Variants in PEX14 observed in about 807,000 individuals in gnomAD.
PEX14 encodes the protein peroxisomal membrane protein PEX14.
In PEX14, 15 loss-of-function variants were observed where a neutral mutation model predicts 49.5. The ratio of observed to expected loss-of-function variants is 0.30; its 90% CI spans 0.20 to 0.47. The LOEUF (loss-of-function observed/expected upper bound fraction) is 0.47. PEX14 is among the 20% of genes least tolerant of loss of function. The probability of loss-of-function intolerance (pLI) is 1.00; values close to 1 mark genes in which losing one functional copy is unlikely to be tolerated. For missense variants in PEX14, 398 were observed against 494.8 expected (o/e 0.80, Z 1.86); for synonymous variants, 210 against 212.7 (o/e 0.99, Z 0.11).
intron 1 of PEX14, among the ~76,000 whole-genome samples, chr1:10,492,707 T>G (rs1641492337): frequency 6.6e-6 from 1 of 152,258 alleles, no homozygotes; most frequent in South Asian, 2.1e-4. Context: ...GCCATTGTTC[T>G]GTTTTTTTGT....
chr1:10,500,667 C>T (rs1039942810), intron 2 of PEX14, among the ~76,000 whole-genome samples: 6 of 152,102 alleles, frequency 3.9e-5, no homozygotes, highest in Middle Eastern at 3.2e-3. Context: ...CTCTGTCTCC[C>T]GGGTTCAAGT....
chr1:10,506,389 C>T (rs1570170103), intron 2 of PEX14, among the ~76,000 whole-genome samples: 1 of 152,170 alleles, frequency 6.6e-6, no homozygotes, highest in African/African-American at 2.4e-5. Context: ...AGTGATTCTC[C>T]TGTCTCAGCC....
chr1:10,494,627 C>T lies in PEX14; in HGVS notation c.37-647C>T, dbSNP rs1018401690. Among the ~76,000 whole-genome samples the T allele has an allele frequency of 3.9e-5, 6 of 152,302 alleles. No homozygotes were observed. The highest frequency in any genetic ancestry group is 4.1e-4 in the South Asian group (2 of 4,826). On this transcript the variant is annotated intron_variant, in intron 1 of 8. Coordinates refer to ENST00000356607, the MANE Select transcript of PEX14 (RefSeq NM_004565.3). This position sits in a 1 kb window ranked among gnomAD's most constrained non-coding sequence, Gnocchi z 4.3. The stretch of plus-strand genomic sequence containing the variant: ...GGCCTCGGCCACAGTGCTGCCTGCT[C>T]GCCTGGAGGTTGGTCTGCTTATATG...
intron 1 of PEX14, among the ~76,000 whole-genome samples, chr1:10,486,505 C>T (rs1641370564): frequency 6.6e-6 from 1 of 151,724 alleles, no homozygotes; most frequent in Admixed American, 6.6e-5. Context: ...CATAGCGAGG[C>T]TCTGTCTCTA....
At chr1:10,593,747 A>G (rs1640741692) in intron 3 of PEX14, among the ~76,000 whole-genome samples, 2 of 152,150 alleles carry the variant, frequency 1.3e-5, no homozygotes, top group South Asian at 4.1e-4. Context: ...GTGATATATA[A>G]TATTTTTTTT....
chr1:10,609,485 C>G (rs926814464), intron 4 of PEX14, among the ~76,000 whole-genome samples: 2 of 152,150 alleles, frequency 1.3e-5, no homozygotes, highest in Admixed American at 1.3e-4. Flanking sequence ...TTTCTATCAC[C>G]CCAGAAAGTT....
intron 3 of PEX14, among the ~76,000 whole-genome samples, chr1:10,585,813 T>C (rs945763593): frequency 1.1e-4 from 16 of 152,222 alleles, no homozygotes; most frequent in African/African-American, 3.9e-4. Flanking sequence ...GGAGAATTGC[T>C]TGAATCTGGG....
chr1:10,578,541 A>G (rs185503440), intron 3 of PEX14, among the ~76,000 whole-genome samples: 1 of 152,164 alleles, frequency 6.6e-6, no homozygotes, highest in Non-Finnish European at 1.5e-5. Flanking sequence ...GTATAAAATT[A>G]AAAAACTACT....
intron 4 of PEX14, among the ~76,000 whole-genome samples, chr1:10,606,116 A>G (rs1054454942): frequency 1.4e-4 from 21 of 152,220 alleles, no homozygotes; most frequent in African/African-American, 5.1e-4. Flanking sequence ...GAGAACTCCA[A>G]ACAAGAGTGG....
Position 10,627,512 on chromosome 1 carries a change from A to G in PEX14, c.677+149A>G, listed in dbSNP as rs1344989699. 3 of 665,960 alleles carry G rather than the reference A, an allele frequency of 4.5e-6. No homozygotes were observed. In the Admixed American group the frequency reaches 6.8e-5, roughly 15 times the overall value. The allele number at this position is 665,960 out of a possible 1,614,324, so 41.3% of individuals were successfully genotyped here. ...CAGGCACTGAGTCTGGGGCCTTTTG[A>G]GCTTCTCTCTTCATTCCCCAGTTGA... On this transcript the variant is annotated intron_variant, in intron 8 of 8. Transcript: ENST00000356607.
rs781595954 is a variant in PEX14 at position 10,495,796 on chromosome 1, A to G, written c.84+475A>G. Among the ~76,000 whole-genome samples the G allele has an allele frequency of 2.4e-4, 36 of 152,182 alleles. No homozygotes were observed. Among genetic ancestry groups the G allele is most frequent in the Non-Finnish European group, 2.1e-4 (14 of 68,028 alleles). ...ATTCCCAACGCTGTCTTCTTAGACTATGGATAGGGAAGAGGCCTATTAAGC... is the reference window on the plus strand; with the variant it reads ...ATTCCCAACGCTGTCTTCTTAGACTGTGGATAGGGAAGAGGCCTATTAAGC... On this transcript the variant is annotated intron_variant, in intron 2 of 8. Transcript: ENST00000356607. This position sits in a 1 kb window ranked among gnomAD's most constrained non-coding sequence, Gnocchi z 4.2.
At chr1:10,626,634 A>G (rs553347484) in intron 7 of PEX14, among the ~76,000 whole-genome samples, 53 of 152,312 alleles carry the variant, frequency 3.5e-4, no homozygotes, top group African/African-American at 7.0e-4. Context: ...AGAGCTGGCA[A>G]TATTCATCTG....
rs536689769 is a variant in PEX14, at chr1:10,624,254, C to T, written c.488-86C>T. 69 of 863,384 alleles carry T rather than the reference C, an allele frequency of 8.0e-5. 1 individual carries two copies. In the Middle Eastern group the frequency reaches 2.3e-3, roughly 29 times the overall value. The allele number at this position is 863,384 out of a possible 1,614,324, so 53.5% of individuals were successfully genotyped here. A position where few individuals can be genotyped will look rare whatever the true frequency, so the allele number is the denominator to read the frequency against. The stretch of plus-strand genomic sequence containing the variant: ...AGATAAATTAGATGGAGCGGGAACA[C>T]GGGCAGCTCCGAGGTGTGCGGACCG... On this transcript the variant is annotated intron_variant, in intron 6 of 8. Coordinates refer to ENST00000356607, the MANE Select transcript of PEX14 (RefSeq NM_004565.3).
chr1:10,624,448 C>T lies in PEX14; in HGVS notation c.585+11C>T. On this transcript the variant is annotated intron_variant, in intron 7 of 8. Coordinates refer to ENST00000356607, the MANE Select transcript of PEX14 (RefSeq NM_004565.3). ...CTGGCCGCTGCCAAGGTACCTGTCTCTGCTGCACAGGGCCCTCCAGGCCCA... is the reference window on the plus strand; with the variant it reads ...CTGGCCGCTGCCAAGGTACCTGTCTTTGCTGCACAGGGCCCTCCAGGCCCA... 6.4e-7 allele frequency: 1 copy of T among 1,574,524 alleles called. No homozygotes were observed. The highest frequency in any genetic ancestry group is 1.1e-5 in the South Asian group (1 of 90,284).
chr1:10,556,371 C>G (rs1464594618), intron 3 of PEX14, among the ~76,000 whole-genome samples: 2 of 152,168 alleles, frequency 1.3e-5, no homozygotes, highest in Non-Finnish European at 2.9e-5. Context: ...CCCTGTACCC[C>G]TCATTAGGGA....
chr1:10,552,822 G>C (rs1203311394), intron 3 of PEX14, among the ~76,000 whole-genome samples: 3 of 152,178 alleles, frequency 2.0e-5, no homozygotes, highest in Non-Finnish European at 4.4e-5. Context: ...AGGTTAAAAA[G>C]GTGCCTCCAT....
intron 3 of PEX14, among the ~76,000 whole-genome samples, chr1:10,537,189 C>T (rs1309067593): frequency 6.6e-6 from 1 of 152,126 alleles, no homozygotes; most frequent in Non-Finnish European, 1.5e-5. Context: ...TTCATGCGAT[C>T]ATGTCCCGGG....
intron 2 of PEX14, among the ~76,000 whole-genome samples, chr1:10,510,405 A>G (rs1230013467): frequency 2.0e-5 from 3 of 152,192 alleles, no homozygotes; most frequent in Non-Finnish European, 4.4e-5. Flanking sequence ...AAGTAAAGGC[A>G]AGTCTTTGTG....
chr1:10,600,421 CA>C (rs1043754626), intron 4 of PEX14, among the ~76,000 whole-genome samples: 1 of 150,148 alleles, frequency 6.7e-6, no homozygotes, highest in African/African-American at 2.5e-5. Context: ...AACTCTGCCT[CA>C]AAAAAACAAA....
Sources: allele counts gnomAD v4.1 joint callset (sites outside exome capture counted in the v4.1 genomes callset), GRCh38; gene constraint gnomAD v4.1.1; non-coding constraint Gnocchi (gnomAD v3.1); transcripts MANE v1.5; gene names NCBI Gene and HGNC (gene_info 2026-07-23, HGNC 2026-07-21).